ADAM9: variants seen among roughly 807,000 people sequenced by gnomAD.
The protein encoded by ADAM9 is ADAM metallopeptidase domain 9.
ADAM9 carries 54 observed loss-of-function variants against 108.1 expected under a neutral mutation model. The ratio of observed to expected loss-of-function variants is 0.50; its 90% CI spans 0.40 to 0.63. ADAM9 has a LOEUF of 0.63. ADAM9 is among the 20% of genes least tolerant of loss of function. The pLI is 0.00. For missense variants in ADAM9, 830 were observed against 997.7 expected (o/e 0.83, Z 2.26); for synonymous variants, 316 against 336.0 (o/e 0.94, Z 0.65).
At chr8:39,045,344 A>ACACCTATATG (rs1837679710) in intron 12 of ADAM9, among the ~76,000 whole-genome samples, 1 of 122,848 alleles carries the variant, frequency 8.1e-6, no homozygotes, top group Admixed American at 8.0e-5. Flanking sequence ...ACACCTATAC[A>ACACCTATATG]TGTGTGTACA....
intron 2 of ADAM9, 38 bp downstream of exon 2, chr8:39,008,021 T>G: frequency 6.7e-7 from 1 of 1,482,346 alleles, no homozygotes. Flanking sequence ...TGTGGTTAAT[T>G]TTTTTCTTTT....
In ADAM9 at chr8:39,045,108, ACATACATATGTG is replaced by A. The variant is rs1564297466; in HGVS notation, c.1302+2992_1302+3003del. On this transcript the variant is annotated intron_variant, in intron 12 of 21. Transcript: ENST00000487273. Reference sequence around the variant, plus strand: ...CATACATACATATGTGTGTGTGCATACATACATATGTGTGTGTGCATACATACATATATGTGT... The same window carrying A: ...CATACATACATATGTGTGTGTGCATATGTGTGCATACATACATATATGTGT... 4.1e-4 allele frequency among the ~76,000 whole-genome samples: 7 copies of A among 16,996 alleles called. 1 individual carries two copies. Among genetic ancestry groups the A allele is most frequent in the East Asian group, 4.7e-3 (1 of 214 alleles). 11.2% of individuals were successfully genotyped at this position (16,996 alleles called of 152,430 possible). A position where few individuals can be genotyped will look rare whatever the true frequency, so the allele number is the denominator to read the frequency against.
intron 14 of ADAM9, among the ~76,000 whole-genome samples, chr8:39,056,783 A>G (rs1035689787): frequency 1.3e-5 from 2 of 152,042 alleles, no homozygotes; most frequent in Non-Finnish European, 2.9e-5. Context: ...GGCATCAAGT[A>G]TTCTATTTAT....
intron 16 of ADAM9, among the ~76,000 whole-genome samples, chr8:39,078,175 C>A (rs9643858): frequency 0.24 from 35,872 of 152,062 alleles, 4,538 homozygotes; most frequent in South Asian, 0.31. Context: ...CTGTTTCTCA[C>A]TTCTCTTTAC....
At chr8:39,014,406 G>A in intron 4 of ADAM9, 4 of 580,032 alleles carry the variant, frequency 6.9e-6, no homozygotes, top group African/African-American at 5.7e-5. Flanking sequence ...TAATTTGTCA[G>A]TGATATTTAG....
At chr8:39,001,037 TTCCTTCTAG>T (rs1222315723) in intron 1 of ADAM9, among the ~76,000 whole-genome samples, 2 of 152,182 alleles carry the variant, frequency 1.3e-5, no homozygotes, top group East Asian at 3.8e-4. Flanking sequence ...TTTTAACGTC[TTCCTTCTAG>T]TAGTGTAGAA....
intron 1 of ADAM9, among the ~76,000 whole-genome samples, chr8:38,998,953 G>T (rs1835913422): frequency 6.6e-6 from 1 of 152,130 alleles, no homozygotes; most frequent in African/African-American, 2.4e-5. Context: ...GGGCAGTGGA[G>T]GTTTTAAGTA....
intron 11 of ADAM9, among the ~76,000 whole-genome samples, chr8:39,030,610 C>T (rs1837067200): frequency 6.6e-6 from 1 of 152,144 alleles, no homozygotes; most frequent in Non-Finnish European, 1.5e-5. Context: ...GGGTGAATAC[C>T]AAGGGATGCG....
chr8:39,102,857 ATAATT>A (rs1839743609), intron 21 of ADAM9, among the ~76,000 whole-genome samples: 3 of 152,254 alleles, frequency 2.0e-5, no homozygotes, highest in Admixed American at 2.0e-4. Flanking sequence ...AGGAAGGAAG[ATAATT>A]TATTACTTCA....
intron 7 of ADAM9, 27 bp from the exon 8 acceptor site, chr8:39,021,616 A>C (rs756244251): frequency 6.3e-7 from 1 of 1,597,522 alleles, no homozygotes; most frequent in South Asian, 1.1e-5. Context: ...CTTTGGTGAT[A>C]ATGATTCTCC....
intron 15 of ADAM9, among the ~76,000 whole-genome samples, chr8:39,072,409 T>G (rs1483921665): frequency 6.6e-6 from 1 of 152,222 alleles, no homozygotes; most frequent in Non-Finnish European, 1.5e-5. Flanking sequence ...CTGACAGTCG[T>G]TTTTAGGTCT....
At chr8:39,097,036 TG>T (rs1839527298) in intron 20 of ADAM9, among the ~76,000 whole-genome samples, 1 of 152,216 alleles carries the variant, frequency 6.6e-6, no homozygotes, top group Non-Finnish European at 1.5e-5. Flanking sequence ...TTTCTTTAAA[TG>T]TGCCATGTTT....
At chr8:39,008,990 C>G (rs1836256012) in intron 2 of ADAM9, among the ~76,000 whole-genome samples, 1 of 152,084 alleles carries the variant, frequency 6.6e-6, no homozygotes, top group South Asian at 2.1e-4. Flanking sequence ...GTATTAATAT[C>G]TGAATTGCTG....
intron 2 of ADAM9, among the ~76,000 whole-genome samples, chr8:39,009,883 G>GCCCCCCCCCCCCCCCC (rs1836287187): frequency 1.0e-5 from 1 of 99,694 alleles, no homozygotes; most frequent in Admixed American, 1.5e-4. Flanking sequence ...TATGGAGCTT[G>GCCCCCCCCCCCCCCCC]CATTCTAGTG....
At chr8:39,018,963 G>T in intron 7 of ADAM9, 45 bp downstream of exon 7, 2 of 1,515,172 alleles carry the variant, frequency 1.3e-6, no homozygotes, top group South Asian at 2.2e-5. Context: ...AAAAGGATAT[G>T]AGAAGTGAGC....
chr8:39,023,764 G>A (rs141554703), intron 9 of ADAM9, among the ~76,000 whole-genome samples: 1 of 26,324 alleles, frequency 3.8e-5, no homozygotes, highest in African/African-American at 8.6e-5. Flanking sequence ...TTTTTTTTTT[G>A]GAGACAGAGT....
At chr8:39,050,707 G>A (rs945878098) in intron 12 of ADAM9, among the ~76,000 whole-genome samples, 1 of 151,962 alleles carries the variant, frequency 6.6e-6, no homozygotes, top group African/African-American at 2.4e-5. Context: ...TCTACAATAT[G>A]CTGGAGCCTA....
At chr8:39,021,761 C>G (rs769098616) in intron 8 of ADAM9, 47 bp downstream of exon 8, 31 of 1,523,898 alleles carry the variant, frequency 2.0e-5, no homozygotes, top group Non-Finnish European at 2.7e-5. Context: ...CCTATTCTTT[C>G]AGTCCCAGAA....
chr8:39,033,655 T>TA (rs1837174358), intron 11 of ADAM9, among the ~76,000 whole-genome samples: 1 of 152,152 alleles, frequency 6.6e-6, no homozygotes, highest in Non-Finnish European at 1.5e-5. Context: ...GATTATAAGA[T>TA]ACACCACTTT....
Sources: allele counts gnomAD v4.1 joint callset (sites outside exome capture counted in the v4.1 genomes callset), GRCh38; gene constraint gnomAD v4.1.1; transcripts MANE v1.5; gene names NCBI Gene and HGNC (gene_info 2026-07-23, HGNC 2026-07-21).